Variants in SORBS2 observed in about 807,000 individuals in gnomAD.
SORBS2 encodes sorbin and SH3 domain-containing protein 2.
A neutral mutation model predicts 97.7 loss-of-function variants in SORBS2; 46 were observed. The observed-to-expected ratio is 0.47, with a 90% CI of 0.37 to 0.60. SORBS2 has a LOEUF of 0.60. Among genes scored for constraint, SORBS2 ranks in the 20% least tolerant of loss-of-function variants. The pLI is 0.00. For missense variants in SORBS2, 1,316 were observed against 1,282.3 expected (o/e 1.03, Z -0.40); for synonymous variants, 476 against 473.4 (o/e 1.01, Z -0.07).
chr4:185,596,090 TAAGAG>T (rs1162891834), intron 12 of SORBS2, among the ~76,000 whole-genome samples: 7 of 152,220 alleles, frequency 4.6e-5, no homozygotes, highest in African/African-American at 1.7e-4. Flanking sequence ...ATTCTTGTCT[TAAGAG>T]AAAATGTTGT....
chr4:185,701,133 T>C (rs2098255952), intron 2 of SORBS2, among the ~76,000 whole-genome samples: 1 of 152,236 alleles, frequency 6.6e-6, no homozygotes, highest in Non-Finnish European at 1.5e-5. Flanking sequence ...CAGTCTGATC[T>C]TTATTAGCCA....
At chr4:185,933,861 G>T (rs951766215) in intron 1 of SORBS2, among the ~76,000 whole-genome samples, 1 of 152,124 alleles carries the variant, frequency 6.6e-6, no homozygotes, top group East Asian at 1.9e-4. Flanking sequence ...GTGAAAGTAG[G>T]CCACCTGATA....
At chr4:185,739,169 T>A (rs1383150925) in intron 2 of SORBS2, among the ~76,000 whole-genome samples, 1 of 152,232 alleles carries the variant, frequency 6.6e-6, no homozygotes, top group Non-Finnish European at 1.5e-5. Flanking sequence ...AAATAGCAAT[T>A]TGTATGGGTT....
chr4:185,779,392 A>G (rs547520161), intron 1 of SORBS2, among the ~76,000 whole-genome samples: 1 of 152,344 alleles, frequency 6.6e-6, no homozygotes, highest in South Asian at 2.1e-4. Flanking sequence ...TGTAAATTTT[A>G]TATGAATGTT....
intron 2 of SORBS2, among the ~76,000 whole-genome samples, chr4:185,746,713 A>G (rs552747939): frequency 6.6e-6 from 1 of 152,214 alleles, no homozygotes; most frequent in Non-Finnish European, 1.5e-5. Context: ...TGGTTGACAC[A>G]TGGTGAGGAA....
intron 1 of SORBS2, among the ~76,000 whole-genome samples, chr4:185,826,821 T>G (rs182344168): frequency 3.9e-5 from 6 of 152,360 alleles, no homozygotes; most frequent in East Asian, 1.9e-4. Flanking sequence ...TATGTGACCA[T>G]GAGCAAATTC....
intron 2 of SORBS2, among the ~76,000 whole-genome samples, chr4:185,689,177 C>T (rs1372572976): frequency 6.6e-6 from 1 of 152,150 alleles, no homozygotes; most frequent in African/African-American, 2.4e-5. Flanking sequence ...ATATCCCTGT[C>T]ATAATAGTGT....
intron 1 of SORBS2, among the ~76,000 whole-genome samples, chr4:185,805,705 A>G (rs2099150370): frequency 6.6e-6 from 1 of 152,230 alleles, no homozygotes. Context: ...CTTAACTACT[A>G]GTAATACTAT....
intron 1 of SORBS2, among the ~76,000 whole-genome samples, chr4:185,794,481 C>T (rs1264894135): frequency 2.6e-5 from 4 of 152,302 alleles, no homozygotes; most frequent in African/African-American, 9.6e-5. Flanking sequence ...AATAAGGTGT[C>T]TTCAAGCATT....
At chr4:185,765,155 A>C (rs2098926979) in intron 2 of SORBS2, among the ~76,000 whole-genome samples, 1 of 152,180 alleles carries the variant, frequency 6.6e-6, no homozygotes, top group Non-Finnish European at 1.5e-5. Flanking sequence ...TAAATGAAGC[A>C]ATATGAAAAG....
At chr4:185,680,141 G>A (rs944552864) in intron 2 of SORBS2, among the ~76,000 whole-genome samples, 2 of 152,058 alleles carry the variant, frequency 1.3e-5, no homozygotes, top group African/African-American at 2.4e-5. Context: ...AATGTTTATT[G>A]GACCCTACTT....
intron 1 of SORBS2, among the ~76,000 whole-genome samples, chr4:185,780,357 A>G (rs923649091): frequency 1.3e-5 from 2 of 152,088 alleles, no homozygotes; most frequent in Non-Finnish European, 2.9e-5. Context: ...ACCACACTCA[A>G]TGAAGTGAAG....
intron 2 of SORBS2, among the ~76,000 whole-genome samples, chr4:185,761,932 C>A (rs2153611344): frequency 6.6e-6 from 1 of 152,312 alleles, no homozygotes; most frequent in South Asian, 2.1e-4. Context: ...CAGCAAAGTG[C>A]ACAACTTGCT....
intron 1 of SORBS2, among the ~76,000 whole-genome samples, chr4:185,909,197 AT>A (rs2149869254): frequency 6.6e-6 from 1 of 152,334 alleles, no homozygotes; most frequent in East Asian, 1.9e-4. Flanking sequence ...TATATATACA[AT>A]GGAATCCTAT....
In SORBS2 at chr4:185,684,607, TGGCAAGTGAC is replaced by T; in HGVS notation, c.-197-5795_-197-5786del. 1.7e-6 allele frequency: 1 copy of T among 598,752 alleles called. No individual in the cohort carries two copies. The highest frequency in any genetic ancestry group is 3.3e-5 in the Admixed American group (1 of 30,668). The allele number at this position is 598,752 out of a possible 1,614,324, so 37.1% of individuals were successfully genotyped here. On this transcript the variant is annotated intron_variant, in intron 2 of 20. Transcript: ENST00000284776. The surrounding 1 kb of genome is among the most constrained non-coding windows in gnomAD (Gnocchi z 4.2). ...CACTCGCAGTTACTCAACCTATTTT[TGGCAAGTGAC>T]TGCTGTTTTTAATTACACATTTAAA...
At chr4:185,954,097 A>G (rs541867398) in intron 1 of SORBS2, among the ~76,000 whole-genome samples, 4 of 152,304 alleles carry the variant, frequency 2.6e-5, no homozygotes, top group South Asian at 2.1e-4. Context: ...CTAGAAATAG[A>G]TTTTATATAT....
At chr4:185,902,579 G>A (rs964290667) in intron 1 of SORBS2, among the ~76,000 whole-genome samples, 9 of 151,388 alleles carry the variant, frequency 5.9e-5, no homozygotes, top group Admixed American at 1.3e-4. Flanking sequence ...ATCTTGGGAA[G>A]ACTAACTTCA....
chr4:185,691,721 G>A (rs2098098587), intron 2 of SORBS2, among the ~76,000 whole-genome samples: 1 of 152,106 alleles, frequency 6.6e-6, no homozygotes, highest in Non-Finnish European at 1.5e-5. Context: ...CGCTAGAAAC[G>A]GTTGGCAGAA....
chr4:185,815,359 CATT>C (rs1458095641), intron 1 of SORBS2, among the ~76,000 whole-genome samples: 1 of 151,832 alleles, frequency 6.6e-6, no homozygotes, highest in Non-Finnish European at 1.5e-5. Flanking sequence ...TATATTTAAA[CATT>C]ATAATTAAAT....
Sources: allele counts gnomAD v4.1 joint callset (sites outside exome capture counted in the v4.1 genomes callset), GRCh38; gene constraint gnomAD v4.1.1; non-coding constraint Gnocchi (gnomAD v3.1); transcripts MANE v1.5; gene names NCBI Gene and HGNC (gene_info 2026-07-23, HGNC 2026-07-21).